Variants in MYO16 observed in about 807,000 individuals in gnomAD.
The protein encoded by MYO16 is unconventional myosin-XVI.
MYO16 carries 94 observed loss-of-function variants against 205.3 expected under a neutral mutation model. The ratio of observed to expected loss-of-function variants is 0.46; its 90% CI spans 0.39 to 0.54. The LOEUF (loss-of-function observed/expected upper bound fraction) is 0.54. Among genes scored for constraint, MYO16 ranks in the 20% least tolerant of loss-of-function variants. MYO16 has a pLI of 0.00. For synonymous variants in MYO16, 988 were observed against 954.0 expected, an observed-to-expected ratio of 1.04 and a Z score of -0.66; for missense variants, 2,315 against 2,387.5, an observed-to-expected ratio of 0.97 and a Z score of 0.63.
chr13:108,510,334 G>T, the MYO16 span, among the ~76,000 whole-genome samples: 1 of 151,390 alleles, frequency 6.6e-6, no homozygotes, highest in East Asian at 2.0e-4. Context: ...AGGCAGGATG[G>T]TCTCGATCTC....
chr13:108,837,874 T>G (rs545051840), intron 9 of MYO16, among the ~76,000 whole-genome samples: 1 of 152,362 alleles, frequency 6.6e-6, no homozygotes, highest in African/African-American at 2.4e-5. Flanking sequence ...GTGATTTTTT[T>G]TGTACTTCAT....
intron 9 of MYO16, among the ~76,000 whole-genome samples, chr13:108,828,860 A>G (rs1006517307): frequency 2.0e-5 from 3 of 152,164 alleles, no homozygotes; most frequent in Non-Finnish European, 4.4e-5. Flanking sequence ...TGTACCCTGC[A>G]TCCTTGGGGA....
intron 1 of MYO16, among the ~76,000 whole-genome samples, chr13:108,609,921 G>T (rs1374375475): frequency 6.6e-6 from 1 of 152,054 alleles, no homozygotes; most frequent in East Asian, 1.9e-4. Context: ...GATGAATCAT[G>T]GACACTTGAA....
chr13:108,801,102 A>C (rs1450256543), intron 6 of MYO16, among the ~76,000 whole-genome samples: 1 of 152,236 alleles, frequency 6.6e-6, no homozygotes, highest in Admixed American at 6.5e-5. Context: ...CAGGTTTCCC[A>C]AAATTTTAAT....
chr13:108,927,923 C>G (rs970419414), intron 16 of MYO16, among the ~76,000 whole-genome samples: 1 of 152,250 alleles, frequency 6.6e-6, no homozygotes, highest in East Asian at 1.9e-4. Flanking sequence ...TGCACCATCT[C>G]GCGCCACCAC....
chr13:108,717,776 A>G lies in MYO16; in HGVS notation c.363+5045A>G, dbSNP rs192253064. Among the ~76,000 whole-genome samples, 388 of 152,276 alleles carry G rather than the reference A, an allele frequency of 2.5e-3. 2 individuals are homozygous for G. The highest frequency in any genetic ancestry group is 8.9e-3 in the African/African-American group (368 of 41,552). On this transcript the variant is annotated intron_variant, in intron 3 of 34. Coordinates refer to ENST00000457511, the MANE Select transcript of MYO16 (RefSeq NM_001198950.3). ...AAAGAGAGAATCCTTTTAACAGCCAACGGAGGATCTTGAAGACCAGATAAG... is the reference window on the plus strand; with the variant it reads ...AAAGAGAGAATCCTTTTAACAGCCAGCGGAGGATCTTGAAGACCAGATAAG...
chr13:108,661,442 C>T (rs1367392863), intron 1 of MYO16, among the ~76,000 whole-genome samples: 1 of 151,976 alleles, frequency 6.6e-6, no homozygotes, highest in African/African-American at 2.4e-5. Context: ...GGTCATTTAA[C>T]ATAATCCCAG....
At chr13:109,052,228 T>C in intron 24 of MYO16, 72 bp from the exon 25 acceptor site, 2 of 1,341,178 alleles carry the variant, frequency 1.5e-6, no homozygotes, top group South Asian at 2.4e-5. Context: ...AGAGCTCTTG[T>C]ATGAAGAATA....
chr13:108,765,067 G>A (rs1885733738), intron 4 of MYO16, among the ~76,000 whole-genome samples: 1 of 152,060 alleles, frequency 6.6e-6, no homozygotes, highest in Admixed American at 6.6e-5. Flanking sequence ...TGAATCTTTT[G>A]ATGTATTTCT....
chr13:108,695,731 A>G (rs1225114685), intron 2 of MYO16, among the ~76,000 whole-genome samples: 1 of 152,190 alleles, frequency 6.6e-6, no homozygotes, highest in African/African-American at 2.4e-5. Context: ...AAAATTTTAT[A>G]TTCACTTGGT....
At chr13:108,889,072 A>C (rs1880041378) in intron 14 of MYO16, among the ~76,000 whole-genome samples, 1 of 152,038 alleles carries the variant, frequency 6.6e-6, no homozygotes, top group African/African-American at 2.4e-5. Context: ...AGAAAAGAAA[A>C]AGAAAGTGCA....
chr13:108,658,220 T>C (rs907023692), intron 1 of MYO16, among the ~76,000 whole-genome samples: 1 of 152,184 alleles, frequency 6.6e-6, no homozygotes, highest in African/African-American at 2.4e-5. Flanking sequence ...TTCTGGTCTA[T>C]AGATTTTTAA....
chr13:108,516,477 T>C, the MYO16 span, among the ~76,000 whole-genome samples: 1 of 152,220 alleles, frequency 6.6e-6, no homozygotes, highest in Non-Finnish European at 1.5e-5. Context: ...GAGCTGTTCC[T>C]ATTCGGCCAT....
intron 15 of MYO16, among the ~76,000 whole-genome samples, chr13:108,898,351 A>AGTGTGTGTGTGTGTGTGTGTGT (rs3042037): frequency 1.9e-4 from 28 of 145,092 alleles, no homozygotes; most frequent in South Asian, 8.7e-4. Context: ...AGGGTGTGTG[A>AGTGTGTGTGTGTGTGTGTGTGT]GTGTGTGTGT....
intron 1 of MYO16, among the ~76,000 whole-genome samples, chr13:108,604,596 T>C (rs183204181): frequency 9.2e-5 from 14 of 152,342 alleles, no homozygotes; most frequent in Admixed American, 7.8e-4. Context: ...TTGAAGTTGA[T>C]TTAAAGTTTT....
At chr13:108,820,462 T>C in intron 8 of MYO16, 50 bp downstream of exon 8, 1 of 1,443,918 alleles carries the variant, frequency 6.9e-7, no homozygotes, top group Non-Finnish European at 9.6e-7. Flanking sequence ...TTTTCTTCCT[T>C]TCATATTGGA....
intron 27 of MYO16, among the ~76,000 whole-genome samples, chr13:109,064,189 T>C (rs1235264110): frequency 6.6e-6 from 1 of 152,206 alleles, no homozygotes; most frequent in African/African-American, 2.4e-5. Context: ...AGTACCTATA[T>C]AATATCCTCA....
chr13:109,201,607 C>A (rs1880398541), intron 34 of MYO16: 1 of 148,188 alleles, frequency 6.7e-6, no homozygotes, highest in Non-Finnish European at 1.5e-5. Flanking sequence ...TTTTAAATTT[C>A]TTTTATTTCC....
intron 22 of MYO16, among the ~76,000 whole-genome samples, chr13:109,018,978 T>G (rs1279965061): frequency 5.3e-5 from 8 of 151,698 alleles, no homozygotes; most frequent in Non-Finnish European, 8.8e-5. Context: ...TTTTTTGTTT[T>G]TTTTTTTTTG....
Sources: gnomAD v4.1 joint callset for allele counts (sites outside exome capture counted in the v4.1 genomes callset) on GRCh38, gnomAD v4.1.1 for gene constraint, MANE v1.5 for transcripts, NCBI Gene and HGNC (gene_info 2026-07-23, HGNC 2026-07-21) for gene names.